DHCR7: variants seen among roughly 807,000 people sequenced by gnomAD.
DHCR7 encodes the protein 7-DHC reductase.
Under a neutral mutation model 43.3 loss-of-function variants are expected in DHCR7, and 40 were observed. The ratio of observed to expected loss-of-function variants is 0.92; its 90% CI spans 0.72 to 1.20. The LOEUF (loss-of-function observed/expected upper bound fraction) is 1.20. Among genes scored for constraint, DHCR7 ranks in the 50% most tolerant of loss-of-function variants. The pLI is 0.00. For synonymous variants in DHCR7, 298 were observed against 271.4 expected (o/e 1.10, Z -0.96); for missense variants, 608 against 644.6 (o/e 0.94, Z 0.62).
chr11:71,433,051 C>A (rs569148684), downstream of DHCR7, among the ~76,000 whole-genome samples: 3 of 152,216 alleles, frequency 2.0e-5, no homozygotes, highest in Non-Finnish European at 4.4e-5. Context: ...TGGATTCCTG[C>A]CCTGACCCTG....
downstream of DHCR7, among the ~76,000 whole-genome samples, chr11:71,430,176 AGGCCTCTTGACCAGAAAATCTGGCCG>A (rs1949221428): frequency 6.6e-6 from 1 of 152,244 alleles, no homozygotes; most frequent in Non-Finnish European, 1.5e-5. Context: ...CTCCTCAATG[AGGCCTCTTGACCAGAAAATCTGGCCG>A]GGCTGTGGCC....
At chr11:71,429,590 G>A (rs1229615446), downstream of DHCR7, among the ~76,000 whole-genome samples, 1 of 152,160 alleles carries the variant, frequency 6.6e-6, no homozygotes, top group Non-Finnish European at 1.5e-5. Flanking sequence ...CCTGGTTTTC[G>A]GTTAGAGCAA....
intron 4 of DHCR7, among the ~76,000 whole-genome samples, chr11:71,443,653 G>A (rs889220716): frequency 3.9e-5 from 6 of 152,146 alleles, no homozygotes; most frequent in East Asian, 1.9e-4. Context: ...GGTGCAAGGC[G>A]TGACTCCTGC....
chr11:71,446,887 G>A (rs550381721), intron 2 of DHCR7, among the ~76,000 whole-genome samples: 1 of 152,306 alleles, frequency 6.6e-6, no homozygotes, highest in African/African-American at 2.4e-5. Flanking sequence ...TAAAATCAAA[G>A]TGGATGAAAG....
chr11:71,435,952 C>T (rs763970199), intron 8 of DHCR7, 113 bp from the exon 9 acceptor site: 6 of 837,702 alleles, frequency 7.2e-6, no homozygotes, highest in African/African-American at 3.4e-5. Flanking sequence ...CTCTGACACA[C>T]GCCTTGCCTC....
At chr11:71,439,256 G>A (rs1306130241) in intron 6 of DHCR7, among the ~76,000 whole-genome samples, 173 bp from the exon 7 acceptor site, 1 of 152,204 alleles carries the variant, frequency 6.6e-6, no homozygotes, top group Non-Finnish European at 1.5e-5. Flanking sequence ...AATGCTTGTC[G>A]GCTGGTTCCT....
At chr11:71,442,871 C>A (rs920782344) in intron 4 of DHCR7, among the ~76,000 whole-genome samples, 9 of 152,232 alleles carry the variant, frequency 5.9e-5, no homozygotes, top group Non-Finnish European at 1.2e-4. Flanking sequence ...AGCGCATTTA[C>A]ATGGTTGGTT....
In DHCR7 at chr11:71,435,248, T is replaced by C; in HGVS notation, c.*127A>G. On this transcript the variant is annotated 3_prime_UTR_variant, in exon 9 of 9. Transcript: ENST00000355527. ...TAGGTACTGGACACCTGCCAAGTGC[T>C]GGGCTCTCTCCAGTTTACAGATGAG... The C allele has an allele frequency of 1.0e-6, 1 of 1,003,468 alleles. No homozygotes were observed. 62.2% of individuals were successfully genotyped at this position (1,003,468 alleles called of 1,614,324 possible). A position where few individuals can be genotyped will look rare whatever the true frequency, so the allele number is the denominator to read the frequency against.
chr11:71,433,584 C>A (rs1336299746), downstream of DHCR7, among the ~76,000 whole-genome samples: 1 of 152,224 alleles, frequency 6.6e-6, no homozygotes, highest in African/African-American at 2.4e-5. Context: ...TGACCCTCAT[C>A]TTTCAAAAGA....
In DHCR7 at chr11:71,441,211, G is replaced by A. The variant is rs377055400; in HGVS notation, c.626+16C>T. On this transcript the variant is annotated intron_variant, in intron 6 of 8. Coordinates refer to ENST00000355527, the MANE Select transcript of DHCR7 (RefSeq NM_001360.3). ...GCACTTTCTACATCAGGCTGGACCCGCTGCTAAGAACATACCAGTCTCTGG... is the reference window on the plus strand; with the variant it reads ...GCACTTTCTACATCAGGCTGGACCCACTGCTAAGAACATACCAGTCTCTGG... 2.5e-5 allele frequency: 41 copies of A among 1,612,864 alleles called. No individual in the cohort carries two copies. In the Middle Eastern group the frequency reaches 4.9e-4, roughly 19 times the overall value.
At chr11:71,442,394 G>A (rs373261345) in intron 4 of DHCR7, 41 bp from the exon 5 acceptor site, 17 of 1,458,000 alleles carry the variant, frequency 1.2e-5, no homozygotes, top group Non-Finnish European at 1.4e-5. Flanking sequence ...CGCCTGGAGG[G>A]CACCTGCAAA....
chr11:71,439,383 G>C (rs1949325506), intron 6 of DHCR7, among the ~76,000 whole-genome samples: 1 of 152,204 alleles, frequency 6.6e-6, no homozygotes, highest in Admixed American at 6.5e-5. Context: ...GCCCTGGGCT[G>C]GTACCTGGGT....
chr11:71,430,490 C>T (rs539860429), downstream of DHCR7, among the ~76,000 whole-genome samples: 1 of 89,698 alleles, frequency 1.1e-5, no homozygotes, highest in Admixed American at 1.2e-4. Flanking sequence ...TTTAGTTCTG[C>T]CATTTGTGGG....
intron 8 of DHCR7, 179 bp from the exon 9 acceptor site, chr11:71,436,018 A>G (rs1949276694): frequency 7.9e-6 from 5 of 635,602 alleles, no homozygotes; most frequent in Non-Finnish European, 1.4e-5. Flanking sequence ...TGGTCATTAA[A>G]TGAGTAACTC....
At chr11:71,444,732 CAAA>C in intron 3 of DHCR7, 120 bp downstream of exon 3, 4 of 667,774 alleles carry the variant, frequency 6.0e-6, no homozygotes, top group Middle Eastern at 3.1e-4. Flanking sequence ...TTAGTCTTGA[CAAA>C]AAAAAAAAAA....
chr11:71,433,623 C>T (rs1463306979), downstream of DHCR7, among the ~76,000 whole-genome samples: 1 of 152,156 alleles, frequency 6.6e-6, no homozygotes, highest in African/African-American at 2.4e-5. Flanking sequence ...AGGGTAGGTC[C>T]CCTGAAGGTC....
At position 71,435,149 on chromosome 11, in the gene DHCR7, G is replaced by A. The variant is rs185557595; in HGVS notation, c.*226C>T. The A allele has an allele frequency of 8.1e-3, 5,566 of 691,308 alleles. 35 individuals carry two copies. The highest frequency in any genetic ancestry group is 9.8e-3 in the Non-Finnish European group (3,719 of 378,684). The allele number at this position is 691,308 out of a possible 1,614,324, so 42.8% of individuals were successfully genotyped here. ...CAGGGACACTGATTAGAGAAAATCC[G>A]TCTGTGCTGGCAATACGGCAGTGCT... On this transcript the variant is annotated 3_prime_UTR_variant, in exon 9 of 9. Transcript: ENST00000355527.
At chr11:71,443,711 G>A (rs890156778) in intron 4 of DHCR7, among the ~76,000 whole-genome samples, 1 of 152,186 alleles carries the variant, frequency 6.6e-6, no homozygotes, top group Non-Finnish European at 1.5e-5. Flanking sequence ...ACGGGGTTTT[G>A]CTCCTATCCT....
At chr11:71,427,463 G>T (rs1433644990), downstream of DHCR7, among the ~76,000 whole-genome samples, 1 of 152,100 alleles carries the variant, frequency 6.6e-6, no homozygotes, top group African/African-American at 2.4e-5. Flanking sequence ...TTTTTTGCAA[G>T]AATAGAAATA....
Sources: gnomAD v4.1 joint callset for allele counts (sites outside exome capture counted in the v4.1 genomes callset) on GRCh38, gnomAD v4.1.1 for gene constraint, MANE v1.5 for transcripts, NCBI Gene and HGNC (gene_info 2026-07-23, HGNC 2026-07-21) for gene names.